Variants in RXRA observed in about 807,000 individuals in gnomAD.
RXRA encodes retinoid X receptor alpha, also known as retinoic acid receptor RXR-alpha.
In RXRA, 5 loss-of-function variants were observed where a neutral mutation model predicts 44.5. That is an observed-to-expected ratio of 0.11 (90% confidence interval 0.06 to 0.24). The LOEUF (loss-of-function observed/expected upper bound fraction) is 0.24. Among genes scored for constraint, RXRA ranks in the 10% least tolerant of loss-of-function variants. The pLI, the probability that RXRA is intolerant of heterozygous loss-of-function variation, is 1.00. For missense variants in RXRA, 412 were observed against 646.5 expected, an observed-to-expected ratio of 0.64 and a Z score of 3.93; for synonymous variants, 291 against 271.4, an observed-to-expected ratio of 1.07 and a Z score of -0.71.
intron 1 of RXRA, among the ~76,000 whole-genome samples, chr9:134,383,117 A>G (rs1449854952): frequency 6.6e-6 from 1 of 152,174 alleles, no homozygotes; most frequent in East Asian, 1.9e-4. Context: ...CATCTAAGCC[A>G]TGTCCTGCCA....
At chr9:134,352,640 G>A (rs1398414402) in intron 1 of RXRA, among the ~76,000 whole-genome samples, 4 of 152,206 alleles carry the variant, frequency 2.6e-5, no homozygotes, top group Admixed American at 6.5e-5. Context: ...TGCAGCTCCC[G>A]GGGTGCTGGC....
intron 1 of RXRA, among the ~76,000 whole-genome samples, chr9:134,373,796 G>C (rs1455041599): frequency 1.3e-5 from 2 of 152,224 alleles, no homozygotes; most frequent in Non-Finnish European, 2.9e-5. Context: ...CTCTGGACTG[G>C]GTGCCCCTGG....
intron 1 of RXRA, among the ~76,000 whole-genome samples, chr9:134,334,680 G>A (rs942696100): frequency 3.9e-5 from 6 of 152,230 alleles, no homozygotes; most frequent in Non-Finnish European, 8.8e-5. Flanking sequence ...CAAAGCCTCT[G>A]CCTTGCCTTC....
rs1371918212 is a variant in RXRA at position 134,366,676 on chromosome 9, G to A, written c.29-34956G>A. 3.9e-5 allele frequency among the ~76,000 whole-genome samples: 6 copies of A among 152,168 alleles called. No homozygotes were observed. Among genetic ancestry groups the A allele is most frequent in the Admixed American group, 1.3e-4 (2 of 15,288 alleles). On this transcript the variant is annotated intron_variant, in intron 1 of 9. Transcript: ENST00000481739. The surrounding 1 kb of genome is among the most constrained non-coding windows in gnomAD (Gnocchi z 5.9). ...GGTGGGGCTGGAGAAATCAGCTCCC[G>A]CCAGCCTGATCTTCCTGCCTCAGAA...
chr9:134,426,338 A>G lies in RXRA; in HGVS notation c.911-2770A>G. The G allele has an allele frequency of 5.1e-6, 5 of 985,424 alleles. No homozygotes were observed. Among genetic ancestry groups the G allele is most frequent in the Non-Finnish European group, 6.0e-6 (5 of 829,910 alleles). 61.0% of individuals were successfully genotyped at this position (985,424 alleles called of 1,614,324 possible). ...GCACTTAGGAAGGTGAAGACACCCC[A>G]AAGGTTACTGTAAAGTGGGTTCCTC... On this transcript the variant is annotated intron_variant, in intron 6 of 9. Coordinates refer to ENST00000481739, the MANE Select transcript of RXRA (RefSeq NM_002957.6). The surrounding 1 kb of genome is among the most constrained non-coding windows in gnomAD (Gnocchi z 4.6).
Position 134,426,558 on chromosome 9 carries a change from G to C in RXRA, c.911-2550G>C, listed in dbSNP as rs1173490937. 1 of 985,344 alleles carries C rather than the reference G, an allele frequency of 1.0e-6. No individual in the cohort carries two copies. Among genetic ancestry groups the C allele is most frequent in the African/African-American group, 1.7e-5 (1 of 57,252 alleles). The allele number at this position is 985,344 out of a possible 1,614,324, so 61.0% of individuals were successfully genotyped here. A position where few individuals can be genotyped will look rare whatever the true frequency, so the allele number is the denominator to read the frequency against. The stretch of plus-strand genomic sequence containing the variant: ...GTCCGTGTGTCTGGGCTCCTGACCT[G>C]TATCCCGTGCTGAGGGCCGCACCTC... On this transcript the variant is annotated intron_variant, in intron 6 of 9. Transcript: ENST00000481739. This position sits in a 1 kb window ranked among gnomAD's most constrained non-coding sequence, Gnocchi z 4.6.
At chr9:134,364,341 C>T (rs904748596) in intron 1 of RXRA, among the ~76,000 whole-genome samples, 6 of 152,240 alleles carry the variant, frequency 3.9e-5, no homozygotes, top group African/African-American at 9.6e-5. Flanking sequence ...GCTCCAAGCC[C>T]TGGCATATTA....
At chr9:134,378,181 G>A (rs1303323613) in intron 1 of RXRA, among the ~76,000 whole-genome samples, 1 of 152,264 alleles carries the variant, frequency 6.6e-6, no homozygotes, top group Non-Finnish European at 1.5e-5. Context: ...AAGGCACAGA[G>A]CTCTGGAAGT....
intron 1 of RXRA, among the ~76,000 whole-genome samples, chr9:134,350,800 C>T (rs1427656003): frequency 1.3e-5 from 2 of 152,258 alleles, no homozygotes; most frequent in African/African-American, 4.8e-5. Context: ...GTCCCCACTG[C>T]ACGAGGAGAT....
intron 4 of RXRA, among the ~76,000 whole-genome samples, chr9:134,411,794 G>A (rs547476165): frequency 1.3e-5 from 2 of 152,328 alleles, no homozygotes; most frequent in East Asian, 1.9e-4. Context: ...TGAGGCCCCC[G>A]TGCCAAACGT....
At chr9:134,394,374 G>T (rs1427656498) in intron 1 of RXRA, among the ~76,000 whole-genome samples, 2 of 152,030 alleles carry the variant, frequency 1.3e-5, no homozygotes, top group Non-Finnish European at 2.9e-5. Context: ...TCCTGCCGAG[G>T]CCCTTTGGGT....
At chr9:134,331,156 A>G (rs869862) in intron 1 of RXRA, among the ~76,000 whole-genome samples, 63,503 of 151,888 alleles carry the variant, frequency 0.42, 15,951 homozygotes, top group African/African-American at 0.71. Context: ...CCCCTGTGCC[A>G]CTCCAGGGAC....
rs1456207358 is a variant in RXRA, at chr9:134,365,399, G to A, written c.29-36233G>A. 6.6e-6 allele frequency among the ~76,000 whole-genome samples: 1 copy of A among 152,214 alleles called. No individual in the cohort carries two copies. The highest frequency in any genetic ancestry group is 1.9e-4 in the East Asian group (1 of 5,186). ...GGGGTCCACGTTGCCTGGCCCAGGT[G>A]GGATTTGGCGGGTAACGCTCGTGGT... On this transcript the variant is annotated intron_variant, in intron 1 of 9. Coordinates refer to ENST00000481739, the MANE Select transcript of RXRA (RefSeq NM_002957.6). This position sits in a 1 kb window ranked among gnomAD's most constrained non-coding sequence, Gnocchi z 4.0.
intron 1 of RXRA, among the ~76,000 whole-genome samples, chr9:134,363,262 T>C (rs1830375482): frequency 1.3e-5 from 2 of 152,188 alleles, no homozygotes; most frequent in Admixed American, 6.5e-5. Flanking sequence ...GCCTCGTTGC[T>C]CTGTCCTCTC....
chr9:134,417,715 G>A lies in RXRA; in HGVS notation c.780+388G>A, dbSNP rs1831262257. On this transcript the variant is annotated intron_variant, in intron 5 of 9. Transcript: ENST00000481739. This position sits in a 1 kb window ranked among gnomAD's most constrained non-coding sequence, Gnocchi z 6.1. ...GGTGCCACTTGGAAAAGGTATGGGA[G>A]GAGGCCGAGCCCCCAGCAAGAGGCT... 6.6e-6 allele frequency among the ~76,000 whole-genome samples: 1 copy of A among 152,170 alleles called. No individual in the cohort carries two copies. The highest frequency in any genetic ancestry group is 6.5e-5 in the Admixed American group (1 of 15,282).
At chr9:134,337,334 A>G (rs1207726339) in intron 1 of RXRA, among the ~76,000 whole-genome samples, 1 of 152,142 alleles carries the variant, frequency 6.6e-6, no homozygotes, top group Non-Finnish European at 1.5e-5. Context: ...CCGTCCGTCC[A>G]TCCACATCCA....
At chr9:134,337,672 G>A (rs559951082) in intron 1 of RXRA, among the ~76,000 whole-genome samples, 2 of 152,250 alleles carry the variant, frequency 1.3e-5, no homozygotes, top group South Asian at 2.1e-4. Flanking sequence ...TGAAGGATGC[G>A]TAGGAGTTGG....
At chr9:134,337,161 G>T (rs1190834499) in intron 1 of RXRA, among the ~76,000 whole-genome samples, 1 of 152,232 alleles carries the variant, frequency 6.6e-6, no homozygotes, top group Non-Finnish European at 1.5e-5. Context: ...AGAGGGAGGG[G>T]TGCTCAGCCC....
rs201700387 is a variant in RXRA, at chr9:134,401,784, A to G, written c.181A>G (p.Met61Val). The change falls in exon 2 of 10, where the codon ATG (methionine) becomes GTG (valine). Residue 61 changes from methionine (M) to valine (V), a missense_variant. By Grantham distance (21) the Met-to-Val change is conservative. Around this residue, in one of 4 missense-constraint regions of RXRA, gnomAD observed 156 missense variants for 177.2 expected, o/e 0.88. Transcript: ENST00000481739. The part of the protein sequence containing the change: ...ISTLSSPING[M>V]GPPFSVISSP... ...CACCCTGAGCTCCCCCATCAACGGC[A>G]TGGGCCCGCCTTTCTCGGTCATCAG... 10 of 1,612,762 alleles carry G rather than the reference A, an allele frequency of 6.2e-6. No individual in the cohort carries two copies. In the East Asian group the frequency reaches 1.8e-4, roughly 29 times the overall value.
Sources: allele counts gnomAD v4.1 joint callset (sites outside exome capture counted in the v4.1 genomes callset), GRCh38; gene constraint gnomAD v4.1.1; regional missense constraint gnomAD v4.1.1; non-coding constraint Gnocchi (gnomAD v3.1); transcripts MANE v1.5; gene names NCBI Gene and HGNC (gene_info 2026-07-23, HGNC 2026-07-21).